VAPB: variants seen among roughly 807,000 people sequenced by gnomAD.
VAPB encodes the protein vesicle-associated membrane protein-associated protein B/C.
A neutral mutation model predicts 25.6 loss-of-function variants in VAPB; 7 were observed. That is an observed-to-expected ratio of 0.27 (90% CI 0.16 to 0.51). The LOEUF (loss-of-function observed/expected upper bound fraction) is 0.51, where lower values mean the gene tolerates loss of function less well. VAPB is among the 20% of genes least tolerant of loss of function. VAPB has a pLI of 0.97. For synonymous variants in VAPB, 112 were observed against 109.2 expected, an observed-to-expected ratio of 1.03 and a Z score of -0.16; for missense variants, 266 against 301.3, an observed-to-expected ratio of 0.88 and a Z score of 0.87.
At position 58,446,457 on chromosome 20, in the gene VAPB, G is replaced by A. The variant is rs941136127; in HGVS notation, c.*2222G>A. Reference sequence around the variant, plus strand: ...GCTCTATTTATTTTTAAAGGATATGGCCGTGTGTTTTGATAAAACTTTATT... The same window carrying A: ...GCTCTATTTATTTTTAAAGGATATGACCGTGTGTTTTGATAAAACTTTATT... On this transcript the variant is annotated 3_prime_UTR_variant, in exon 6 of 6. Coordinates refer to ENST00000475243, the MANE Select transcript of VAPB (RefSeq NM_004738.5). 1 of 454,096 alleles carries A rather than the reference G, an allele frequency of 2.2e-6. No homozygotes were observed. The highest frequency in any genetic ancestry group is 1.6e-5 in the South Asian group (1 of 64,476). 28.1% of individuals were successfully genotyped at this position (454,096 alleles called of 1,614,324 possible). A position where few individuals can be genotyped will look rare whatever the true frequency, so the allele number is the denominator to read the frequency against.
chr20:58,409,554 G>A (rs1402752452), intron 1 of VAPB, among the ~76,000 whole-genome samples: 3 of 152,220 alleles, frequency 2.0e-5, no homozygotes, highest in Admixed American at 1.3e-4. Flanking sequence ...GAGTTGAAGT[G>A]AAATATGGTA....
chr20:58,422,679 C>T lies in VAPB; in HGVS notation c.211+4316C>T, dbSNP rs746025703. On this transcript the variant is annotated intron_variant, in intron 2 of 5. Coordinates refer to ENST00000475243, the MANE Select transcript of VAPB (RefSeq NM_004738.5). The stretch of plus-strand genomic sequence containing the variant: ...TAATATTCCAAACCATGTTTGCCAG[C>T]GGATACAGCAGGTGAAGTGGTAAAA... Among the ~76,000 whole-genome samples, 11 of 151,190 alleles carry T rather than the reference C, an allele frequency of 7.3e-5. No homozygotes were observed. In the East Asian group the frequency reaches 9.7e-4, roughly 13 times the overall value.
intron 1 of VAPB, among the ~76,000 whole-genome samples, chr20:58,407,721 T>A (rs1384342069): frequency 6.6e-6 from 1 of 152,090 alleles, no homozygotes; most frequent in Non-Finnish European, 1.5e-5. Flanking sequence ...TTTTTCTAGA[T>A]CACTTAATGT....
At chr20:58,415,510 G>T (rs1361793903) in intron 1 of VAPB, among the ~76,000 whole-genome samples, 1 of 152,048 alleles carries the variant, frequency 6.6e-6, no homozygotes, top group Admixed American at 6.5e-5. Context: ...TCCTGGTTTT[G>T]TTACAGACAT....
At chr20:58,417,529 G>A (rs1339308074) in intron 1 of VAPB, among the ~76,000 whole-genome samples, 1 of 152,226 alleles carries the variant, frequency 6.6e-6, no homozygotes, top group East Asian at 1.9e-4. Flanking sequence ...AGGCCACTGA[G>A]CCTGTTGCAG....
At chr20:58,439,206 C>G (rs1363435762) in intron 4 of VAPB, 181 bp downstream of exon 4, 5 of 621,004 alleles carry the variant, frequency 8.1e-6, no homozygotes, top group Non-Finnish European at 1.4e-5. Context: ...CTTTGAAAAA[C>G]TCACGGAAAG....
intron 1 of VAPB, among the ~76,000 whole-genome samples, chr20:58,398,863 T>G (rs955116814): frequency 1.3e-5 from 2 of 152,264 alleles, no homozygotes; most frequent in Middle Eastern, 3.4e-3. Context: ...ATGGCTTTTT[T>G]TTTTTTTGTC....
At chr20:58,393,345 CTTTTA>C (rs1443463140) in intron 1 of VAPB, among the ~76,000 whole-genome samples, 3 of 152,000 alleles carry the variant, frequency 2.0e-5, no homozygotes, top group Admixed American at 6.6e-5. Context: ...TGTGTGTTTT[CTTTTA>C]TATTTCTTTT....
At chr20:58,439,129 T>G in intron 4 of VAPB, 104 bp downstream of exon 4, 1 of 1,083,946 alleles carries the variant, frequency 9.2e-7, no homozygotes, top group South Asian at 1.3e-5. Context: ...TTATTTTCCT[T>G]TATCTGATGT....
Position 58,450,261 on chromosome 20 carries a change from A to G in VAPB, c.*6026A>G, listed in dbSNP as rs1568727058. On this transcript the variant is annotated 3_prime_UTR_variant, in exon 6 of 6. Transcript: ENST00000475243. Reference sequence around the variant, plus strand: ...CTTTTATGTGAATTCAAAGGTCAGAATTTATTGTCTGTGATATTGAGACCA... The same window carrying G: ...CTTTTATGTGAATTCAAAGGTCAGAGTTTATTGTCTGTGATATTGAGACCA... The G allele has an allele frequency of 4.4e-6, 2 of 452,548 alleles. No individual in the cohort carries two copies. The highest frequency in any genetic ancestry group is 8.9e-6 in the Non-Finnish European group (2 of 225,814). 28.0% of individuals were successfully genotyped at this position (452,548 alleles called of 1,614,324 possible).
At chr20:58,408,594 T>A (rs1246440326) in intron 1 of VAPB, among the ~76,000 whole-genome samples, 1 of 151,336 alleles carries the variant, frequency 6.6e-6, no homozygotes, top group East Asian at 1.9e-4. Context: ...TCTGTTAGTA[T>A]GGTATCTTTC....
chr20:58,391,425 G>A (rs1394234906), intron 1 of VAPB, among the ~76,000 whole-genome samples: 2 of 152,154 alleles, frequency 1.3e-5, no homozygotes, highest in African/African-American at 4.8e-5. Context: ...TAAAGGTCGA[G>A]TAGAAGAAGG....
At chr20:58,412,147 G>T (rs185452339) in intron 1 of VAPB, among the ~76,000 whole-genome samples, 11 of 152,118 alleles carry the variant, frequency 7.2e-5, no homozygotes, top group Admixed American at 5.2e-4. Flanking sequence ...TTTTTTCATG[G>T]ATTTTGTTTT....
At chr20:58,418,475 C>T (rs1988598935) in intron 2 of VAPB, 112 bp downstream of exon 2, 3 of 1,356,180 alleles carry the variant, frequency 2.2e-6, no homozygotes, top group Non-Finnish European at 2.9e-6. Context: ...GAATTCTCTC[C>T]ACCCCACCCC....
chr20:58,419,870 T>C (rs1988632203), intron 2 of VAPB, among the ~76,000 whole-genome samples: 1 of 152,174 alleles, frequency 6.6e-6, no homozygotes, highest in Non-Finnish European at 1.5e-5. Context: ...ATAGGAAGAA[T>C]AGGGAATGCA....
At chr20:58,400,984 G>A (rs1338760287) in intron 1 of VAPB, among the ~76,000 whole-genome samples, 1 of 152,202 alleles carries the variant, frequency 6.6e-6, no homozygotes, top group African/African-American at 2.4e-5. Context: ...ATGTGCAGAT[G>A]CACACAATCA....
chr20:58,418,314 G>A lies in VAPB; in HGVS notation c.162G>A (p.Val54=). ...CTACAGCACCACGTAGGTACTGTGT[G>A]AGGCCCAACAGCGGAATCATCGATG... ...VKTTAPRRYC[V]RPNSGIIDAG... is the part of the protein sequence containing the mutation. The change falls in exon 2 of 6, where the codon GTG becomes GTA. Residue 54 remains valine (V), a synonymous_variant. Coordinates refer to ENST00000475243, the MANE Select transcript of VAPB (RefSeq NM_004738.5). 6.2e-7 allele frequency: 1 copy of A among 1,614,214 alleles called. No homozygotes were observed. Among genetic ancestry groups the A allele is most frequent in the South Asian group, 1.1e-5 (1 of 91,082 alleles).
rs1365126952 is a variant in VAPB at position 58,449,465 on chromosome 20, AGTTT to A, written c.*5231_*5234del. The A allele has an allele frequency of 6.7e-6, 3 of 449,858 alleles. No homozygotes were observed. In the Admixed American group the frequency reaches 7.2e-5, roughly 11 times the overall value. 27.9% of individuals were successfully genotyped at this position (449,858 alleles called of 1,614,324 possible). ...GAGATTTTTTTTTCTTAATGGAATT[AGTTT>A]ATTAGAAAATGTCTGTGTTAAATCC... is the stretch of plus-strand genomic sequence containing the variant. On this transcript the variant is annotated 3_prime_UTR_variant, in exon 6 of 6. Coordinates refer to ENST00000475243, the MANE Select transcript of VAPB (RefSeq NM_004738.5).
intron 1 of VAPB, among the ~76,000 whole-genome samples, chr20:58,391,205 T>TGTA (rs1429484063): frequency 6.6e-6 from 1 of 152,212 alleles, no homozygotes; most frequent in Non-Finnish European, 1.5e-5. Context: ...AAACATTTAC[T>TGTA]GAGTACCTGA....
Sources: allele counts gnomAD v4.1 joint callset (sites outside exome capture counted in the v4.1 genomes callset), GRCh38; gene constraint gnomAD v4.1.1; transcripts MANE v1.5; gene names NCBI Gene and HGNC (gene_info 2026-07-23, HGNC 2026-07-21).